GOLPH3: variants seen among roughly 807,000 people sequenced by gnomAD.
GOLPH3 encodes the protein golgi phosphoprotein 3.
Under a neutral mutation model 28.5 loss-of-function variants are expected in GOLPH3, and 14 were observed. The ratio of observed to expected loss-of-function variants is 0.49; its 90% CI spans 0.32 to 0.77. The LOEUF is 0.77. Ranked by LOEUF, GOLPH3 falls within the 30% of genes least tolerant of loss-of-function variation. The pLI, the probability that GOLPH3 is intolerant of heterozygous loss-of-function variation, is 0.03. For synonymous variants in GOLPH3, 158 were observed against 159.2 expected, an observed-to-expected ratio of 0.99 and a Z score of 0.06; for missense variants, 350 against 393.7, an observed-to-expected ratio of 0.89 and a Z score of 0.94.
intron 1 of GOLPH3, among the ~76,000 whole-genome samples, chr5:32,157,211 A>C (rs980296890): frequency 6.6e-6 from 1 of 152,170 alleles, no homozygotes; most frequent in African/African-American, 2.4e-5. Flanking sequence ...ATGAGAACCA[A>C]ATCCAACTCG....
intron 2 of GOLPH3, among the ~76,000 whole-genome samples, chr5:32,140,965 G>C (rs1256419878): frequency 6.6e-6 from 1 of 151,900 alleles, no homozygotes; most frequent in Non-Finnish European, 1.5e-5. Context: ...GAGTTCGAGA[G>C]CAGCCCAGGC....
At chr5:32,145,286 T>C (rs1746162585) in intron 1 of GOLPH3, among the ~76,000 whole-genome samples, 1 of 152,232 alleles carries the variant, frequency 6.6e-6, no homozygotes, top group African/African-American at 2.4e-5. Context: ...TCAATTTAAA[T>C]GTGAGGTGTA....
intron 1 of GOLPH3, 115 bp from the exon 2 acceptor site, chr5:32,143,995 C>A: frequency 1.7e-6 from 1 of 604,392 alleles, no homozygotes. Context: ...CCTTTCCTGT[C>A]TTTCTATAAT....
At chr5:32,149,322 A>C (rs1280168239) in intron 1 of GOLPH3, among the ~76,000 whole-genome samples, 1 of 152,228 alleles carries the variant, frequency 6.6e-6, no homozygotes, top group Admixed American at 6.5e-5. Flanking sequence ...TTATGCAGTA[A>C]GATAATTAAT....
chr5:32,143,904 AAAAC>A lies in GOLPH3; in HGVS notation c.226-28_226-25del, dbSNP rs774408166. The A allele has an allele frequency of 7.2e-5, 104 of 1,445,352 alleles. No individual in the cohort carries two copies. In the Middle Eastern group the frequency reaches 3.2e-3, roughly 45 times the overall value. 89.5% of individuals were successfully genotyped at this position (1,445,352 alleles called of 1,614,324 possible). On this transcript the variant is annotated intron_variant, in intron 1 of 3. Coordinates refer to ENST00000265070, the MANE Select transcript of GOLPH3 (RefSeq NM_022130.4). ...CCCTATTAAAAAAAGAAGAAGAAATAAAACAAAATAGCTAATTTACCTTGAATTC... is the reference window on the plus strand; with the variant it reads ...CCCTATTAAAAAAAGAAGAAGAAATAAAAATAGCTAATTTACCTTGAATTC...
At chr5:32,130,275 T>C (rs1745796474) in intron 3 of GOLPH3, among the ~76,000 whole-genome samples, 1 of 152,208 alleles carries the variant, frequency 6.6e-6, no homozygotes, top group South Asian at 2.1e-4. Flanking sequence ...AGGCTGGAAT[T>C]GGGTAACTAT....
In GOLPH3 at chr5:32,173,747, T is replaced by TG. The variant is rs1034803592; in HGVS notation, c.225+62dup. On this transcript the variant is annotated intron_variant, in intron 1 of 3. Transcript: ENST00000265070. ...CTCGGGCGCTCACCTGGCACCTACC[T>TG]GGAGCTCACCTGGCGCCCGGGCCCC... is the stretch of plus-strand genomic sequence containing the variant. 8 of 1,204,720 alleles carry TG rather than the reference T, an allele frequency of 6.6e-6. No homozygotes were observed. In the Admixed American group the frequency reaches 2.1e-4, roughly 32 times the overall value. The allele number at this position is 1,204,720 out of a possible 1,614,324, so 74.6% of individuals were successfully genotyped here.
intron 1 of GOLPH3, among the ~76,000 whole-genome samples, chr5:32,169,565 A>G (rs541664160): frequency 2.0e-5 from 3 of 152,218 alleles, no homozygotes; most frequent in Non-Finnish European, 4.4e-5. Context: ...ATCTAACCTT[A>G]AAAGACTAAG....
intron 2 of GOLPH3, 145 bp from the exon 3 acceptor site, chr5:32,135,831 A>G (rs1745919401): frequency 3.3e-6 from 2 of 600,142 alleles, no homozygotes; most frequent in Non-Finnish European, 5.8e-6. Context: ...CAGATTTTAA[A>G]TTACTTTTAT....
chr5:32,151,296 G>T (rs984592445), intron 1 of GOLPH3, among the ~76,000 whole-genome samples: 7 of 151,758 alleles, frequency 4.6e-5, no homozygotes, highest in Non-Finnish European at 7.4e-5. Context: ...GGAGGCAAAG[G>T]CAGGGGGATC....
chr5:32,152,275 C>T (rs1244788853), intron 1 of GOLPH3, among the ~76,000 whole-genome samples: 8 of 151,366 alleles, frequency 5.3e-5, no homozygotes, highest in Admixed American at 1.3e-4. Flanking sequence ...TACAGGCGTG[C>T]GCCACCATGC....
chr5:32,128,666 T>C (rs1415129397), intron 3 of GOLPH3, among the ~76,000 whole-genome samples: 1 of 151,646 alleles, frequency 6.6e-6, no homozygotes. Flanking sequence ...CATCTCACAA[T>C]TTAAAAACAA....
At chr5:32,138,243 A>C (rs1002563112) in intron 2 of GOLPH3, among the ~76,000 whole-genome samples, 1 of 152,100 alleles carries the variant, frequency 6.6e-6, no homozygotes, top group Non-Finnish European at 1.5e-5. Context: ...CCTCTCTTAA[A>C]CTTGTCCTCA....
chr5:32,138,834 C>G (rs970419130), intron 2 of GOLPH3, among the ~76,000 whole-genome samples: 2 of 152,176 alleles, frequency 1.3e-5, no homozygotes, highest in African/African-American at 2.4e-5. Flanking sequence ...CATCAAAGTT[C>G]CATCAAACAG....
chr5:32,131,072 G>C (rs537515015), intron 3 of GOLPH3, among the ~76,000 whole-genome samples: 1 of 152,288 alleles, frequency 6.6e-6, no homozygotes, highest in South Asian at 2.1e-4. Context: ...CAATAAAAAG[G>C]GACCCAGCTA....
At chr5:32,134,155 A>G (rs1187845450) in intron 3 of GOLPH3, among the ~76,000 whole-genome samples, 1 of 152,168 alleles carries the variant, frequency 6.6e-6, no homozygotes, top group Non-Finnish European at 1.5e-5. Context: ...GCACCACTGG[A>G]GGCCAGGAGC....
intron 3 of GOLPH3, among the ~76,000 whole-genome samples, chr5:32,132,471 A>G (rs1054901685): frequency 1.4e-4 from 21 of 152,178 alleles, no homozygotes; most frequent in African/African-American, 5.1e-4. Flanking sequence ...AAAGTTCCCA[A>G]GGATTTTTCT....
At chr5:32,132,595 C>G (rs1745845709) in intron 3 of GOLPH3, among the ~76,000 whole-genome samples, 1 of 152,180 alleles carries the variant, frequency 6.6e-6, no homozygotes, top group South Asian at 2.1e-4. Flanking sequence ...TTCTTTCAGT[C>G]TGAGAGCACA....
intron 1 of GOLPH3, among the ~76,000 whole-genome samples, chr5:32,160,228 T>C (rs1485437991): frequency 6.6e-6 from 1 of 152,180 alleles, no homozygotes; most frequent in African/African-American, 2.4e-5. Flanking sequence ...AATAAATTTC[T>C]ATTTGTTTAA....
Sources: allele counts gnomAD v4.1 joint callset (sites outside exome capture counted in the v4.1 genomes callset), GRCh38; gene constraint gnomAD v4.1.1; transcripts MANE v1.5; gene names NCBI Gene and HGNC (gene_info 2026-07-23, HGNC 2026-07-21).